The following MINDY4 variants were observed in gnomAD, a reference collection of about 807,000 sequenced individuals.
The protein encoded by MINDY4 is probable ubiquitin carboxyl-terminal hydrolase MINDY-4.
MINDY4 carries 68 observed loss-of-function variants against 87.0 expected under a neutral mutation model. That is an observed-to-expected ratio of 0.78 (90% CI 0.64 to 0.96). The LOEUF is 0.96. Among genes scored for constraint, MINDY4 ranks in the 40% least tolerant of loss-of-function variants. MINDY4 has a pLI of 0.00. For missense variants in MINDY4, 919 were observed against 928.2 expected (o/e 0.99, Z 0.13); for synonymous variants, 379 against 363.2 (o/e 1.04, Z -0.50).
In MINDY4 at chr7:30,850,441, T is replaced by C; in HGVS notation, c.1446-13T>C. The C allele has an allele frequency of 4.4e-6, 7 of 1,606,726 alleles. No homozygotes were observed. The highest frequency in any genetic ancestry group is 5.9e-6 in the Non-Finnish European group (7 of 1,176,514). ...CCACATGGGCATAAATGCCTTCCTT[T>C]TCTTGTCCGCAGGGGACTGCAGCCT... On this transcript the variant is annotated splice_polypyrimidine_tract_variant and intron_variant, in intron 9 of 17. Transcript: ENST00000265299.
At chr7:30,822,856 C>T (rs1489050350) in intron 5 of MINDY4, among the ~76,000 whole-genome samples, 1 of 151,510 alleles carries the variant, frequency 6.6e-6, no homozygotes, top group African/African-American at 2.4e-5. Flanking sequence ...GTTGCCCAGA[C>T]TGTTCTCCGA....
intron 13 of MINDY4, among the ~76,000 whole-genome samples, chr7:30,862,838 G>T (rs750583285): frequency 6.6e-6 from 1 of 152,222 alleles, no homozygotes; most frequent in African/African-American, 2.4e-5. Flanking sequence ...AACAGGAGGG[G>T]TTAGTCTGGT....
intron 14 of MINDY4, among the ~76,000 whole-genome samples, chr7:30,873,502 C>A (rs996124492): frequency 1.3e-5 from 2 of 152,224 alleles, no homozygotes; most frequent in African/African-American, 4.8e-5. Flanking sequence ...TTGAATGAAT[C>A]CCCTAGGGGT....
At chr7:30,794,879 C>T (rs921260521) in intron 5 of MINDY4, among the ~76,000 whole-genome samples, 3 of 152,094 alleles carry the variant, frequency 2.0e-5, no homozygotes, top group African/African-American at 7.2e-5. Flanking sequence ...TGCTGTGTTG[C>T]GGGCGGGGGC....
At chr7:30,876,376 G>A (rs1459825707) in intron 15 of MINDY4, among the ~76,000 whole-genome samples, 1 of 152,124 alleles carries the variant, frequency 6.6e-6, no homozygotes, top group Non-Finnish European at 1.5e-5. Flanking sequence ...CAACAACCCT[G>A]TGTCCAAATG....
In MINDY4 at chr7:30,789,023, A is replaced by G. The variant is rs1787240860; in HGVS notation, c.664-2142A>G. 3.3e-5 allele frequency among the ~76,000 whole-genome samples: 5 copies of G among 152,240 alleles called. No individual in the cohort carries two copies. The South Asian group carries it at 1.0e-3, about 32-fold the overall frequency. On this transcript the variant is annotated intron_variant, in intron 4 of 17. Coordinates refer to ENST00000265299, the MANE Select transcript of MINDY4 (RefSeq NM_032222.3). ...ATTGCCTTGATTCATGCCTGGGGCC[A>G]GCAGTTTTTCCCACTGTTGCTTTGT...
chr7:30,774,496 C>T (rs1786748329), intron 1 of MINDY4, among the ~76,000 whole-genome samples: 1 of 152,174 alleles, frequency 6.6e-6, no homozygotes, highest in Admixed American at 6.5e-5. Context: ...ACCCTAGCTA[C>T]TGGTTTATTA....
At chr7:30,882,129 G>C in intron 15 of MINDY4, 52 bp from the exon 16 acceptor site, 1 of 1,529,210 alleles carries the variant, frequency 6.5e-7, no homozygotes, top group Non-Finnish European at 8.9e-7. Context: ...AAAAATGCCC[G>C]GACCCCTTTC....
At chr7:30,789,527 A>G (rs80291528) in intron 4 of MINDY4, among the ~76,000 whole-genome samples, 5,662 of 152,322 alleles carry the variant, frequency 0.037, 149 homozygotes, top group Middle Eastern at 0.099. Context: ...GAATGACTTA[A>G]GAGGCTGGGC....
At chr7:30,787,125 GT>G (rs1287786217) in intron 4 of MINDY4, among the ~76,000 whole-genome samples, 1 of 152,168 alleles carries the variant, frequency 6.6e-6, no homozygotes, top group Non-Finnish European at 1.5e-5. Flanking sequence ...TTTGGTCAAG[GT>G]TTTTATTTCT....
In MINDY4 at chr7:30,850,521, C is replaced by T. The variant is rs1336523824; in HGVS notation, c.1513C>T (p.Arg505Trp). 24 of 1,610,526 alleles carry T rather than the reference C, an allele frequency of 1.5e-5. No individual in the cohort carries two copies. The highest frequency in any genetic ancestry group is 3.3e-5 in the South Asian group (3 of 90,076). The change falls in exon 10 of 18, where the codon CGG (arginine) becomes TGG (tryptophan). Residue 505 changes from arginine to tryptophan, a missense_variant. Physicochemically the swap from Arg to Trp is moderately radical, Grantham distance 101 (BLOSUM62 -3). Coordinates refer to ENST00000265299, the MANE Select transcript of MINDY4 (RefSeq NM_032222.3). ...LVLALADIVW[R>W]AGGRERAVVA... ...CCTGGCCCTCGCAGACATTGTGTGG[C>T]GGGCAGGGGGCCGAGAGAGAGCCGT... is the stretch of plus-strand genomic sequence containing the variant.
intron 11 of MINDY4, 199 bp downstream of exon 11, chr7:30,852,478 G>C (rs1002793868): frequency 1.8e-6 from 1 of 556,150 alleles, no homozygotes; most frequent in Non-Finnish European, 2.3e-6. Flanking sequence ...CTGGCTTTAC[G>C]GCCAAAAGGC....
At position 30,807,879 on chromosome 7, in the gene MINDY4, A is replaced by G. The variant is rs570605729; in HGVS notation, c.1073+16305A>G. ...CCCTTAAAAGGGACAGGAATTGCTC[A>G]CTCGGGGAGCTCGGTTGTTGGAGAT... On this transcript the variant is annotated intron_variant, in intron 5 of 17. Transcript: ENST00000265299. 4.6e-5 allele frequency among the ~76,000 whole-genome samples: 7 copies of G among 152,276 alleles called. No homozygotes were observed. In the East Asian group the frequency reaches 1.2e-3, roughly 25 times the overall value.
intron 13 of MINDY4, among the ~76,000 whole-genome samples, chr7:30,869,345 G>A (rs551394888): frequency 2.9e-4 from 44 of 152,348 alleles, no homozygotes; most frequent in African/African-American, 1.0e-3. Flanking sequence ...CCTTCAGCCC[G>A]TATGTTTCAT....
At chr7:30,867,164 C>T (rs1789961744) in intron 13 of MINDY4, among the ~76,000 whole-genome samples, 1 of 152,204 alleles carries the variant, frequency 6.6e-6, no homozygotes, top group East Asian at 1.9e-4. Context: ...AGGGGCCTGA[C>T]ACCCATTGGT....
rs1282229586 is a variant in MINDY4, at chr7:30,839,325, C to T, written c.1356+9C>T. ...GCATAGTGCAGAACAAGGCAGGTTG[C>T]TCCTAGGTTTCCTTGGGACCTTTCT... On this transcript the variant is annotated intron_variant, in intron 8 of 17. Coordinates refer to ENST00000265299, the MANE Select transcript of MINDY4 (RefSeq NM_032222.3). The T allele has an allele frequency of 6.5e-7, 1 of 1,549,326 alleles. No homozygotes were observed. The highest frequency in any genetic ancestry group is 8.8e-7 in the Non-Finnish European group (1 of 1,139,822).
intron 17 of MINDY4, among the ~76,000 whole-genome samples, chr7:30,884,895 C>T (rs184702035): frequency 6.6e-6 from 1 of 152,292 alleles, no homozygotes; most frequent in African/African-American, 2.4e-5. Context: ...TGAACCTCCT[C>T]TTCCTCTTCT....
intron 9 of MINDY4, among the ~76,000 whole-genome samples, chr7:30,848,664 T>A (rs186786240): frequency 6.6e-6 from 1 of 152,308 alleles, no homozygotes; most frequent in East Asian, 1.9e-4. Flanking sequence ...TCCCAGCAGC[T>A]GGGGCATCCG....
chr7:30,776,470 T>C (rs1182442170), intron 1 of MINDY4, among the ~76,000 whole-genome samples: 2 of 152,208 alleles, frequency 1.3e-5, no homozygotes, highest in African/African-American at 4.8e-5. Context: ...CCTAGCCCTC[T>C]CTGTCTCCTT....
Sources: gnomAD v4.1 joint callset for allele counts (sites outside exome capture counted in the v4.1 genomes callset) on GRCh38, gnomAD v4.1.1 for gene constraint, MANE v1.5 for transcripts, NCBI Gene and HGNC (gene_info 2026-07-23, HGNC 2026-07-21) for gene names.